The following MICU1 variants were observed in gnomAD, a reference collection of about 807,000 sequenced individuals.
MICU1 encodes the protein calcium uptake protein 1, mitochondrial.
In MICU1, 45 loss-of-function variants were observed where a neutral mutation model predicts 56.8. The ratio of observed to expected loss-of-function variants is 0.79; its 90% CI spans 0.62 to 1.02. The LOEUF (loss-of-function observed/expected upper bound fraction) is 1.02. Ranked by LOEUF, MICU1 falls within the 50% of genes least tolerant of loss-of-function variation. The probability of loss-of-function intolerance (pLI) is 0.00; values close to 1 mark genes in which losing one functional copy is unlikely to be tolerated. For missense variants in MICU1, 504 were observed against 587.1 expected (o/e 0.86, Z 1.46); for synonymous variants, 186 against 195.1 (o/e 0.95, Z 0.39).
intron 4 of MICU1, among the ~76,000 whole-genome samples, chr10:72,537,641 G>A (rs976951112): frequency 6.6e-6 from 1 of 152,096 alleles, no homozygotes; most frequent in African/African-American, 2.4e-5. Flanking sequence ...AGGCTCAGAA[G>A]GTTAAATGAC....
chr10:72,620,041 T>A lies in MICU1; in HGVS notation c.-2+5969A>T, dbSNP rs555815673. Among the ~76,000 whole-genome samples the A allele has an allele frequency of 1.6e-4, 25 of 151,800 alleles. No homozygotes were observed. In the East Asian group the frequency reaches 4.6e-3, roughly 28 times the overall value. On this transcript the variant is annotated intron_variant, in intron 1 of 11. Coordinates refer to ENST00000361114, the MANE Select transcript of MICU1 (RefSeq NM_001195518.2). ...GCAAAGTATTCATGTTTACTTTTTT[T>A]AAAAAAAAGGAAAAAAACAGCTTGC...
At chr10:72,597,500 G>GT (rs989210706) in intron 1 of MICU1, among the ~76,000 whole-genome samples, 1 of 152,040 alleles carries the variant, frequency 6.6e-6, no homozygotes, top group Non-Finnish European at 1.5e-5. Flanking sequence ...GATCATAAGT[G>GT]TTTTGGACTT....
intron 8 of MICU1, among the ~76,000 whole-genome samples, chr10:72,467,208 G>C (rs1865821070): frequency 6.6e-6 from 1 of 151,944 alleles, no homozygotes; most frequent in Non-Finnish European, 1.5e-5. Context: ...TTTTGAGACA[G>C]AGTCTTGCCC....
intron 1 of MICU1, among the ~76,000 whole-genome samples, chr10:72,596,543 T>C (rs1841386549): frequency 6.6e-6 from 1 of 152,246 alleles, no homozygotes; most frequent in South Asian, 2.1e-4. Context: ...TGATGTTATA[T>C]GTTTATCACA....
chr10:72,368,422 C>T, intron 11 of MICU1, 67 bp from the exon 12 acceptor site: 1 of 1,534,182 alleles, frequency 6.5e-7, no homozygotes, highest in African/African-American at 1.4e-5. Flanking sequence ...GATATAATTC[C>T]ATTGTCCACA....
At chr10:72,567,905 A>G (rs1840484786) in intron 1 of MICU1, among the ~76,000 whole-genome samples, 1 of 152,178 alleles carries the variant, frequency 6.6e-6, no homozygotes, top group Admixed American at 6.5e-5. Context: ...AAACGGGACA[A>G]TGAAAGATGT....
At chr10:72,554,831 A>G (rs995137112) in intron 3 of MICU1, among the ~76,000 whole-genome samples, 1 of 152,206 alleles carries the variant, frequency 6.6e-6, no homozygotes, top group African/African-American at 2.4e-5. Flanking sequence ...CCTGGCCAAC[A>G]TGGTGAAACC....
intron 1 of MICU1, among the ~76,000 whole-genome samples, chr10:72,613,118 C>CA (rs1437785739): frequency 1.3e-5 from 2 of 152,018 alleles, no homozygotes; most frequent in African/African-American, 2.4e-5. Context: ...CTATTATCAA[C>CA]ACCATATGTG....
intron 8 of MICU1, among the ~76,000 whole-genome samples, chr10:72,466,433 G>A (rs1347849576): frequency 6.6e-6 from 1 of 152,148 alleles, no homozygotes; most frequent in East Asian, 1.9e-4. Context: ...GAGGACTACT[G>A]TACTCTTTAA....
intron 9 of MICU1, among the ~76,000 whole-genome samples, chr10:72,411,346 GA>G (rs1863805954): frequency 9.3e-6 from 1 of 107,008 alleles, no homozygotes; most frequent in African/African-American, 3.9e-5. Flanking sequence ...TTTTTTTTTT[GA>G]GACGGAGTCT....
intron 3 of MICU1, among the ~76,000 whole-genome samples, chr10:72,561,147 T>C (rs756717696): frequency 5.3e-5 from 8 of 152,208 alleles, no homozygotes; most frequent in Non-Finnish European, 1.0e-4. Context: ...ACAGATTAGA[T>C]AGATTTTGTA....
intron 10 of MICU1, among the ~76,000 whole-genome samples, chr10:72,405,104 T>A (rs954150432): frequency 5.9e-5 from 9 of 152,062 alleles, no homozygotes; most frequent in African/African-American, 1.7e-4. Flanking sequence ...AGATGGGGTT[T>A]CACCATGTTG....
intron 1 of MICU1, among the ~76,000 whole-genome samples, chr10:72,591,701 A>G (rs183965882): frequency 2.0e-5 from 3 of 152,248 alleles, no homozygotes; most frequent in African/African-American, 4.8e-5. Context: ...AGGGTCTCTA[A>G]TTAGTAGATT....
intron 8 of MICU1, among the ~76,000 whole-genome samples, chr10:72,430,749 C>T (rs953730947): frequency 2.0e-5 from 3 of 151,272 alleles, no homozygotes; most frequent in African/African-American, 7.3e-5. Flanking sequence ...TTAGTGGAGA[C>T]GTGGTTTCAC....
intron 4 of MICU1, among the ~76,000 whole-genome samples, chr10:72,541,189 G>C (rs1209730893): frequency 6.6e-6 from 1 of 152,272 alleles, no homozygotes; most frequent in Non-Finnish European, 1.5e-5. Flanking sequence ...TTAGACTATA[G>C]TTTAACTTGA....
chr10:72,397,015 G>A (rs1288336293), intron 10 of MICU1, among the ~76,000 whole-genome samples: 1 of 152,174 alleles, frequency 6.6e-6, no homozygotes, highest in Non-Finnish European at 1.5e-5. Context: ...AGGAAAAAGT[G>A]TTAAGAGCAG....
intron 6 of MICU1, among the ~76,000 whole-genome samples, chr10:72,483,010 C>T (rs1290486673): frequency 3.9e-5 from 6 of 151,964 alleles, no homozygotes; most frequent in Non-Finnish European, 7.4e-5. Flanking sequence ...CATGCGCCAC[C>T]ATGCCTGGCT....
At chr10:72,516,799 G>A (rs145243278) in intron 5 of MICU1, among the ~76,000 whole-genome samples, 115 of 152,066 alleles carry the variant, frequency 7.6e-4, no homozygotes, top group South Asian at 3.7e-3. Context: ...TCTATATGTC[G>A]TTTTGTGATG....
At chr10:72,469,305 TG>T (rs1865882809) in intron 8 of MICU1, among the ~76,000 whole-genome samples, 1 of 152,190 alleles carries the variant, frequency 6.6e-6, no homozygotes, top group Admixed American at 6.5e-5. Context: ...CTCCTGGATC[TG>T]AAGTTTTAAA....
Sources: allele counts gnomAD v4.1 joint callset (sites outside exome capture counted in the v4.1 genomes callset), GRCh38; gene constraint gnomAD v4.1.1; transcripts MANE v1.5; gene names NCBI Gene and HGNC (gene_info 2026-07-23, HGNC 2026-07-21).